ATF7IP2: variants seen among roughly 807,000 people sequenced by gnomAD.
ATF7IP2 encodes activating transcription factor 7-interacting protein 2.
Under a neutral mutation model 64.2 loss-of-function variants are expected in ATF7IP2, and 42 were observed. That is an observed-to-expected ratio of 0.65 (90% CI 0.51 to 0.85). ATF7IP2 has a LOEUF of 0.85. Ranked by LOEUF, ATF7IP2 falls within the 40% of genes least tolerant of loss-of-function variation. The probability of loss-of-function intolerance (pLI) is 0.00; values close to 1 mark genes in which losing one functional copy is unlikely to be tolerated. For missense variants in ATF7IP2, 933 were observed against 784.2 expected (o/e 1.19, Z -2.27); for synonymous variants, 308 against 272.8 (o/e 1.13, Z -1.27).
chr16:10,395,668 G>A (rs948718721), intron 1 of ATF7IP2, among the ~76,000 whole-genome samples: 3 of 152,124 alleles, frequency 2.0e-5, no homozygotes, highest in Admixed American at 1.3e-4. Context: ...CCATATCAAA[G>A]AGAACAAAGC....
chr16:10,393,146 C>T (rs1441431997), intron 1 of ATF7IP2, among the ~76,000 whole-genome samples: 1 of 151,760 alleles, frequency 6.6e-6, no homozygotes, highest in African/African-American at 2.4e-5. Flanking sequence ...CCCCTCTCTA[C>T]TAAAAATACA....
At chr16:10,392,860 C>A (rs2047354342) in intron 1 of ATF7IP2, among the ~76,000 whole-genome samples, 2 of 151,200 alleles carry the variant, frequency 1.3e-5, no homozygotes. Context: ...TGATGGGCGC[C>A]CCTGATGTCC....
At chr16:10,390,534 C>A (rs1481005221) in intron 1 of ATF7IP2, among the ~76,000 whole-genome samples, 1 of 152,098 alleles carries the variant, frequency 6.6e-6, no homozygotes, top group East Asian at 1.9e-4. Flanking sequence ...TGTAATCCCA[C>A]CACTTTGTGA....
intron 1 of ATF7IP2, chr16:10,387,824 T>TCCCCCCCCCCCCCCCCCCCCCC (rs5815573): frequency 1.5e-5 from 2 of 130,580 alleles, no homozygotes; most frequent in Admixed American, 8.3e-5. Flanking sequence ...TCTATTTTAC[T>TCCCCCCCCCCCCCCCCCCCCCC]CCCCCCCCCT....
chr16:10,387,020 G>C (rs1208511735), intron 1 of ATF7IP2: 1 of 152,156 alleles, frequency 6.6e-6, no homozygotes, highest in East Asian at 1.9e-4. Flanking sequence ...TAATATGTAT[G>C]GAAGAAGAGG....
chr16:10,444,730 G>C (rs1037093802), intron 8 of ATF7IP2, among the ~76,000 whole-genome samples: 1 of 152,134 alleles, frequency 6.6e-6, no homozygotes, highest in South Asian at 2.1e-4. Flanking sequence ...CTTGATGAAG[G>C]TGGATGCCAT....
chr16:10,432,650 C>A (rs563520611), intron 5 of ATF7IP2, among the ~76,000 whole-genome samples: 183 of 152,232 alleles, frequency 1.2e-3, no homozygotes, highest in African/African-American at 4.1e-3. Context: ...AGGTGGATCA[C>A]CTGAGGTCAG....
At chr16:10,411,477 T>C (rs190030652) in intron 1 of ATF7IP2, among the ~76,000 whole-genome samples, 1 of 151,972 alleles carries the variant, frequency 6.6e-6, no homozygotes. Context: ...CTCAAGCAGT[T>C]CTCCTGTCTC....
chr16:10,430,211 G>A (rs926109199), intron 4 of ATF7IP2, among the ~76,000 whole-genome samples: 3 of 152,098 alleles, frequency 2.0e-5, no homozygotes, highest in African/African-American at 7.2e-5. Context: ...ATTATGTATA[G>A]AAAATGGAAT....
chr16:10,442,027 C>T (rs1262263923), intron 8 of ATF7IP2, among the ~76,000 whole-genome samples: 1 of 152,212 alleles, frequency 6.6e-6, no homozygotes, highest in South Asian at 2.1e-4. Context: ...TCTGTGTCCT[C>T]CCCCCATTAA....
chr16:10,461,434 A>G (rs1209238585), intron 9 of ATF7IP2, among the ~76,000 whole-genome samples: 2 of 152,114 alleles, frequency 1.3e-5, no homozygotes, highest in African/African-American at 4.8e-5. Context: ...ATAATGGCCA[A>G]AAACTGAAAG....
intron 3 of ATF7IP2, among the ~76,000 whole-genome samples, chr16:10,424,989 A>G (rs1238277754): frequency 6.6e-6 from 1 of 152,158 alleles, no homozygotes; most frequent in Non-Finnish European, 1.5e-5. Context: ...TGCTAGGTAT[A>G]TAGAACAAAG....
At chr16:10,408,976 A>T (rs986087078) in intron 1 of ATF7IP2, among the ~76,000 whole-genome samples, 1 of 152,220 alleles carries the variant, frequency 6.6e-6, no homozygotes, top group Non-Finnish European at 1.5e-5. Flanking sequence ...CACTCGGGCA[A>T]AAGTTTTCCC....
chr16:10,456,706 A>G (rs1306166896), intron 8 of ATF7IP2, among the ~76,000 whole-genome samples: 1 of 152,058 alleles, frequency 6.6e-6, no homozygotes, highest in Non-Finnish European at 1.5e-5. Context: ...ATTGCCCCAG[A>G]TGTCAGATGA....
intron 8 of ATF7IP2, chr16:10,446,776 C>T (rs1484273867): frequency 6.6e-6 from 1 of 152,138 alleles, no homozygotes; most frequent in Non-Finnish European, 1.5e-5. Flanking sequence ...TATGCCCTAC[C>T]TTATTTGGGG....
At chr16:10,457,581 T>C (rs1298933889) in intron 9 of ATF7IP2, 52 bp downstream of exon 9, 14 of 1,265,048 alleles carry the variant, frequency 1.1e-5, no homozygotes, top group South Asian at 1.6e-5. Flanking sequence ...TAATAATGAA[T>C]TTTTTCTTCA....
intron 4 of ATF7IP2, among the ~76,000 whole-genome samples, chr16:10,430,073 C>T (rs1245643287): frequency 2.6e-5 from 4 of 151,594 alleles, no homozygotes; most frequent in Non-Finnish European, 5.9e-5. Context: ...AAGCTGGTCT[C>T]GAACCCCTTA....
chr16:10,427,193 G>C (rs1471454870), intron 3 of ATF7IP2, among the ~76,000 whole-genome samples: 2 of 152,152 alleles, frequency 1.3e-5, no homozygotes, highest in Admixed American at 6.6e-5. Context: ...CTTTGAAAAT[G>C]AAAGAGGAAA....
chr16:10,396,701 A>G (rs2047426236), intron 1 of ATF7IP2, among the ~76,000 whole-genome samples: 1 of 151,624 alleles, frequency 6.6e-6, no homozygotes. Context: ...GTCTCACAGG[A>G]TGGAGTGCTT....
Sources: gnomAD v4.1 joint callset for allele counts (sites outside exome capture counted in the v4.1 genomes callset) on GRCh38, gnomAD v4.1.1 for gene constraint, MANE v1.5 for transcripts, NCBI Gene and HGNC (gene_info 2026-07-23, HGNC 2026-07-21) for gene names.